CCBE1: variants seen among roughly 807,000 people sequenced by gnomAD.
CCBE1 encodes collagen and calcium binding EGF domains 1, also known as collagen and calcium-binding EGF domain-containing protein 1.
In CCBE1, 37 loss-of-function variants were observed where a neutral mutation model predicts 50.0. That is an observed-to-expected ratio of 0.74 (90% CI 0.57 to 0.97). The LOEUF (loss-of-function observed/expected upper bound fraction) is 0.97. Among genes scored for constraint, CCBE1 ranks in the 50% least tolerant of loss-of-function variants. CCBE1 has a pLI of 0.00. For synonymous variants in CCBE1, 234 were observed against 203.7 expected (o/e 1.15, Z -1.27); for missense variants, 538 against 523.8 (o/e 1.03, Z -0.26).
chr18:59,469,702 C>A lies in CCBE1; in HGVS notation c.266-95G>T, dbSNP rs146483021. ...AGGACTTTCTGGGCTGGGCTCTGCT[C>A]AAGGGCACGTGTGAAGTGTGGACAG... is the stretch of plus-strand genomic sequence containing the variant. On this transcript the variant is annotated intron_variant, in intron 3 of 10. Coordinates refer to ENST00000439986, the MANE Select transcript of CCBE1 (RefSeq NM_133459.4). 262 of 1,523,906 alleles carry A rather than the reference C, an allele frequency of 1.7e-4. 2 individuals carry two copies. The African/African-American group carries it at 3.1e-3, about 18-fold the overall frequency. 94.4% of individuals were successfully genotyped at this position (1,523,906 alleles called of 1,614,324 possible).
chr18:59,569,425 A>G (rs2052875304), intron 2 of CCBE1, among the ~76,000 whole-genome samples: 1 of 152,194 alleles, frequency 6.6e-6, no homozygotes, highest in Non-Finnish European at 1.5e-5. Flanking sequence ...TTTTGCATCT[A>G]TTCATCAATT....
intron 2 of CCBE1, among the ~76,000 whole-genome samples, chr18:59,591,087 A>G (rs2053259688): frequency 1.1e-5 from 1 of 87,316 alleles, no homozygotes; most frequent in Admixed American, 1.1e-4. Context: ...TACTAAAAAT[A>G]CAAAAAAAAT....
chr18:59,681,717 A>G (rs1052503339), intron 2 of CCBE1, among the ~76,000 whole-genome samples: 1 of 151,972 alleles, frequency 6.6e-6, no homozygotes, highest in Non-Finnish European at 1.5e-5. Flanking sequence ...TGGGGAGTAA[A>G]AAGACTTTTT....
At chr18:59,588,954 CTT>C (rs764369548) in intron 2 of CCBE1, among the ~76,000 whole-genome samples, 4 of 152,206 alleles carry the variant, frequency 2.6e-5, no homozygotes, top group Non-Finnish European at 4.4e-5. Context: ...CCTTGGGTAG[CTT>C]CACAGTGATT....
rs562710563 is a variant in CCBE1, at chr18:59,652,434, G to A, written c.212+44195C>T. Among the ~76,000 whole-genome samples, 11 of 152,024 alleles carry A rather than the reference G, an allele frequency of 7.2e-5. No individual in the cohort carries two copies. In the South Asian group the frequency reaches 2.3e-3, roughly 32 times the overall value. On this transcript the variant is annotated intron_variant, in intron 2 of 10. Coordinates refer to ENST00000439986, the MANE Select transcript of CCBE1 (RefSeq NM_133459.4). ...TGGGGTAAATTCCTCCAGTTCCTTCGGCATGGTTTGTAGGATCAGTAAAGG... is the reference window on the plus strand; with the variant it reads ...TGGGGTAAATTCCTCCAGTTCCTTCAGCATGGTTTGTAGGATCAGTAAAGG...
At chr18:59,447,442 T>C (rs1165401572) in intron 7 of CCBE1, among the ~76,000 whole-genome samples, 1 of 152,210 alleles carries the variant, frequency 6.6e-6, no homozygotes, top group Non-Finnish European at 1.5e-5. Flanking sequence ...ATTTGAATGG[T>C]AATTTAAATG....
chr18:59,452,383 G>A (rs572193388), intron 6 of CCBE1, among the ~76,000 whole-genome samples: 1 of 152,264 alleles, frequency 6.6e-6, no homozygotes, highest in South Asian at 2.1e-4. Flanking sequence ...ATGAGGTCAG[G>A]AGTTCAAGAC....
chr18:59,499,370 A>G (rs1038579586), intron 2 of CCBE1, among the ~76,000 whole-genome samples: 2 of 152,154 alleles, frequency 1.3e-5, no homozygotes, highest in African/African-American at 4.8e-5. Flanking sequence ...AGTCCAATAA[A>G]TGACACCAGG....
At chr18:59,607,724 CT>C (rs2053517482) in intron 2 of CCBE1, among the ~76,000 whole-genome samples, 1 of 152,198 alleles carries the variant, frequency 6.6e-6, no homozygotes, top group South Asian at 2.1e-4. Flanking sequence ...GAACCACTTC[CT>C]GTGTGACACT....
chr18:59,636,603 T>C (rs1196613653), intron 2 of CCBE1, among the ~76,000 whole-genome samples: 1 of 152,186 alleles, frequency 6.6e-6, no homozygotes, highest in Non-Finnish European at 1.5e-5. Flanking sequence ...ATATTCCAAG[T>C]AATGAGAGGC....
intron 2 of CCBE1, among the ~76,000 whole-genome samples, chr18:59,596,331 C>G (rs968769493): frequency 1.3e-5 from 2 of 152,166 alleles, no homozygotes; most frequent in Non-Finnish European, 2.9e-5. Context: ...CAGAAGTCTA[C>G]TTTTTAAAAA....
intron 2 of CCBE1, among the ~76,000 whole-genome samples, chr18:59,609,055 A>T (rs909729327): frequency 7.9e-5 from 12 of 152,188 alleles, no homozygotes; most frequent in African/African-American, 2.9e-4. Flanking sequence ...GCATCTGTTG[A>T]CCAACTCCTC....
At chr18:59,546,689 C>T (rs893028257) in intron 2 of CCBE1, among the ~76,000 whole-genome samples, 1 of 152,202 alleles carries the variant, frequency 6.6e-6, no homozygotes, top group South Asian at 2.1e-4. Flanking sequence ...TCCCTTCCCA[C>T]ATTATATCTG....
intron 2 of CCBE1, among the ~76,000 whole-genome samples, chr18:59,609,247 A>G (rs984073613): frequency 6.6e-6 from 1 of 152,166 alleles, no homozygotes; most frequent in Non-Finnish European, 1.5e-5. Flanking sequence ...TTCAACCACC[A>G]TTCATATTCC....
chr18:59,593,859 A>G (rs1484859476), intron 2 of CCBE1, among the ~76,000 whole-genome samples: 1 of 152,248 alleles, frequency 6.6e-6, no homozygotes, highest in African/African-American at 2.4e-5. Context: ...CCTCTGGACT[A>G]AAAATCAAGT....
intron 2 of CCBE1, among the ~76,000 whole-genome samples, chr18:59,694,015 G>C (rs908115302): frequency 6.6e-6 from 1 of 151,740 alleles, no homozygotes; most frequent in African/African-American, 2.4e-5. Context: ...GGTACTACAG[G>C]TGTGTGCCAC....
At chr18:59,514,644 T>TG (rs1555686195) in intron 2 of CCBE1, among the ~76,000 whole-genome samples, 3 of 114,730 alleles carry the variant, frequency 2.6e-5, no homozygotes, top group East Asian at 4.6e-4. Flanking sequence ...TTCCTTTCCT[T>TG]GAAAAAAAAA....
At chr18:59,468,553 G>T (rs1911864455) in intron 4 of CCBE1, among the ~76,000 whole-genome samples, 1 of 152,122 alleles carries the variant, frequency 6.6e-6, no homozygotes, top group African/African-American at 2.4e-5. Context: ...CTGGCATTGT[G>T]GGGCACCATT....
intron 2 of CCBE1, among the ~76,000 whole-genome samples, chr18:59,480,555 A>G (rs1912524874): frequency 6.6e-6 from 1 of 152,184 alleles, no homozygotes; most frequent in Admixed American, 6.5e-5. Flanking sequence ...CATAAATAGG[A>G]AAAGGACCTT....
Sources: allele counts gnomAD v4.1 joint callset (sites outside exome capture counted in the v4.1 genomes callset), GRCh38; gene constraint gnomAD v4.1.1; transcripts MANE v1.5; gene names NCBI Gene and HGNC (gene_info 2026-07-23, HGNC 2026-07-21).